The following GNG4 variants were observed in gnomAD, a reference collection of about 807,000 sequenced individuals.
GNG4 encodes G protein subunit gamma 4, also known as guanine nucleotide-binding protein G(I)/G(S)/G(O) subunit gamma-4.
A neutral mutation model predicts 5.8 loss-of-function variants in GNG4; 4 were observed. The ratio of observed to expected loss-of-function variants is 0.69; its 90% confidence interval spans 0.34 to 1.57. The LOEUF is 1.57. GNG4 is among the 40% of genes most tolerant of loss of function. GNG4 has a pLI of 0.06. For missense variants in GNG4, 96 were observed against 95.1 expected, an observed-to-expected ratio of 1.01 and a Z score of -0.04; for synonymous variants, 29 against 32.9, an observed-to-expected ratio of 0.88 and a Z score of 0.41.
intron 1 of GNG4, among the ~76,000 whole-genome samples, chr1:235,636,688 C>T (rs972842225): frequency 3.3e-5 from 5 of 152,126 alleles, no homozygotes; most frequent in African/African-American, 4.8e-5. Flanking sequence ...ACCAGAGATC[C>T]GATGAACCCC....
chr1:235,601,614 G>A (rs577239880), intron 1 of GNG4, among the ~76,000 whole-genome samples: 96 of 152,296 alleles, frequency 6.3e-4, no homozygotes, highest in African/African-American at 2.2e-3. Context: ...CAGAACCCAT[G>A]CTCCCCTTCC....
At chr1:235,593,803 G>C (rs957279374) in intron 2 of GNG4, among the ~76,000 whole-genome samples, 2 of 152,160 alleles carry the variant, frequency 1.3e-5, no homozygotes, top group African/African-American at 2.4e-5. Flanking sequence ...GGCTTCAGGA[G>C]TGAAGCCGCA....
intron 3 of GNG4, among the ~76,000 whole-genome samples, chr1:235,558,680 C>T (rs907037665): frequency 6.6e-6 from 1 of 152,204 alleles, no homozygotes. Flanking sequence ...ATAAAGTAGA[C>T]AATTTGCTTT....
At chr1:235,570,209 G>T (rs114885539) in intron 3 of GNG4, among the ~76,000 whole-genome samples, 1 of 151,830 alleles carries the variant, frequency 6.6e-6, no homozygotes, top group Non-Finnish European at 1.5e-5. Flanking sequence ...TAATTGCTTC[G>T]GTCTGACACT....
At chr1:235,598,692 G>A (rs930736988) in intron 1 of GNG4, among the ~76,000 whole-genome samples, 3 of 151,598 alleles carry the variant, frequency 2.0e-5, no homozygotes, top group African/African-American at 7.3e-5. Context: ...ATCTCTGGGG[G>A]AGGACTGAGG....
chr1:235,643,347 C>T (rs557587662), intron 1 of GNG4, among the ~76,000 whole-genome samples: 2 of 152,190 alleles, frequency 1.3e-5, no homozygotes, highest in Admixed American at 6.5e-5. Context: ...CCAGGGCCAG[C>T]TCAAGACTCC....
chr1:235,609,412 T>A (rs753501365), intron 1 of GNG4, among the ~76,000 whole-genome samples: 26 of 152,164 alleles, frequency 1.7e-4, no homozygotes, highest in Non-Finnish European at 3.4e-4. Flanking sequence ...TATGTTATTT[T>A]CCACTTTTTG....
intron 1 of GNG4, among the ~76,000 whole-genome samples, chr1:235,619,204 T>C (rs570072497): frequency 1.1e-3 from 118 of 104,362 alleles, no homozygotes; most frequent in African/African-American, 1.3e-3. Flanking sequence ...CACACACACA[T>C]ATATATATAT....
At position 235,561,407 on chromosome 1, in the gene GNG4, TC is replaced by T. The variant is rs1558474342; in HGVS notation, c.100-9171del. Reference sequence around the variant, plus strand: ...CTTGCACGCGCTCGCGCTCTCTCTCTCTATATATATACATTTTTTTTTTCTA... The same window carrying T: ...CTTGCACGCGCTCGCGCTCTCTCTCTTATATATATACATTTTTTTTTTCTA... On this transcript the variant is annotated intron_variant, in intron 3 of 3. Transcript: ENST00000391854. Among the ~76,000 whole-genome samples the T allele has an allele frequency of 1.4e-3, 205 of 151,230 alleles. 2 individuals are homozygous for T. The highest frequency in any genetic ancestry group is 4.8e-3 in the African/African-American group (195 of 40,582).
At chr1:235,629,665 C>T (rs943898194) in intron 1 of GNG4, among the ~76,000 whole-genome samples, 5 of 151,310 alleles carry the variant, frequency 3.3e-5, no homozygotes, top group East Asian at 3.9e-4. Flanking sequence ...GGCATGATCT[C>T]GGCTCACTGC....
intron 2 of GNG4, among the ~76,000 whole-genome samples, chr1:235,587,232 T>TGTGTGAGG (rs2102945178): frequency 6.1e-5 from 2 of 32,928 alleles, no homozygotes; most frequent in South Asian, 1.6e-3. Flanking sequence ...TGAGTGTGAG[T>TGTGTGAGG]GTGTGAGGTG....
chr1:235,593,759 T>G (rs1688048804), intron 2 of GNG4, among the ~76,000 whole-genome samples: 1 of 151,986 alleles, frequency 6.6e-6, no homozygotes, highest in Admixed American at 6.6e-5. Flanking sequence ...CGTCTGGAGT[T>G]GTTCCTTCCT....
At chr1:235,613,277 C>A (rs901741276) in intron 1 of GNG4, among the ~76,000 whole-genome samples, 1 of 152,144 alleles carries the variant, frequency 6.6e-6, no homozygotes. Context: ...TGTTGCCTGG[C>A]AATGTAGTTG....
chr1:235,549,629 T>A lies in GNG4; in HGVS notation c.*2480A>T, dbSNP rs1686685479. 1 of 151,856 alleles carries A rather than the reference T, an allele frequency of 6.6e-6. No homozygotes were observed. The highest frequency in any genetic ancestry group is 6.6e-5 in the Admixed American group (1 of 15,264). The allele number at this position is 151,856 out of a possible 1,614,324, so 9.4% of individuals were successfully genotyped here. ...CCTAGCGTCACATCCAGCATACAAT[T>A]CTGCTCTAGTTTGAGCATCTTAACA... On this transcript the variant is annotated 3_prime_UTR_variant, in exon 4 of 4. Transcript: ENST00000391854.
chr1:235,554,025 T>G (rs1311821200), intron 3 of GNG4, among the ~76,000 whole-genome samples: 2 of 152,154 alleles, frequency 1.3e-5, no homozygotes, highest in Admixed American at 6.5e-5. Context: ...TATAGGAATT[T>G]CCCAGATGGG....
chr1:235,568,915 C>T (rs1004143087), intron 3 of GNG4, among the ~76,000 whole-genome samples: 3 of 151,722 alleles, frequency 2.0e-5, no homozygotes, highest in Non-Finnish European at 2.9e-5. Flanking sequence ...AAACCTTCTC[C>T]GCCTAGGTTC....
intron 3 of GNG4, among the ~76,000 whole-genome samples, chr1:235,580,226 G>T (rs1223903323): frequency 6.6e-6 from 1 of 152,184 alleles, no homozygotes; most frequent in East Asian, 1.9e-4. Context: ...ATTCACAGAG[G>T]AAAAAGGTAG....
chr1:235,553,470 G>A (rs1434213028), intron 3 of GNG4, among the ~76,000 whole-genome samples: 2 of 152,128 alleles, frequency 1.3e-5, no homozygotes, highest in African/African-American at 4.8e-5. Flanking sequence ...TGATAAAAAT[G>A]TTCCACAGAT....
chr1:235,626,922 G>T (rs980173543), intron 1 of GNG4, among the ~76,000 whole-genome samples: 1 of 117,656 alleles, frequency 8.5e-6, no homozygotes, highest in African/African-American at 3.2e-5. Context: ...TTGCATCACT[G>T]CACTCCAGCC....
Sources: gnomAD v4.1 joint callset for allele counts (sites outside exome capture counted in the v4.1 genomes callset) on GRCh38, gnomAD v4.1.1 for gene constraint, MANE v1.5 for transcripts, NCBI Gene and HGNC (gene_info 2026-07-23, HGNC 2026-07-21) for gene names.